ZNF385D: variants seen among roughly 807,000 people sequenced by gnomAD.
The protein encoded by ZNF385D is zinc finger protein 659.
Under a neutral mutation model 35.8 loss-of-function variants are expected in ZNF385D, and 15 were observed. That is an observed-to-expected ratio of 0.42 (90% CI 0.28 to 0.64). ZNF385D has a LOEUF of 0.64. ZNF385D is among the 30% of genes least tolerant of loss of function. The probability of loss-of-function intolerance (pLI) is 0.23; values close to 1 mark genes in which losing one functional copy is unlikely to be tolerated. For synonymous variants in ZNF385D, 212 were observed against 186.8 expected, an observed-to-expected ratio of 1.13 and a Z score of -1.10; for missense variants, 474 against 494.6, an observed-to-expected ratio of 0.96 and a Z score of 0.39.
At chr3:22,001,914 A>G (rs1345761333) in intron 3 of ZNF385D, among the ~76,000 whole-genome samples, 1 of 152,056 alleles carries the variant, frequency 6.6e-6, no homozygotes, top group African/African-American at 2.4e-5. Context: ...TGGAAATATA[A>G]CATACTAAAT....
chr3:21,890,614 G>A (rs957407488), intron 3 of ZNF385D, among the ~76,000 whole-genome samples: 1 of 151,890 alleles, frequency 6.6e-6, no homozygotes, highest in Non-Finnish European at 1.5e-5. Context: ...GTGAGACTCC[G>A]TCTCAGAAAA....
chr3:21,876,026 G>A (rs1383677278), intron 3 of ZNF385D, among the ~76,000 whole-genome samples: 1 of 152,030 alleles, frequency 6.6e-6, no homozygotes, highest in Non-Finnish European at 1.5e-5. Flanking sequence ...AAAGAAAAAC[G>A]AGTTACTTCA....
At chr3:22,363,142 A>T (rs1364588082) in intron 2 of ZNF385D, among the ~76,000 whole-genome samples, 1 of 152,166 alleles carries the variant, frequency 6.6e-6, no homozygotes, top group African/African-American at 2.4e-5. Flanking sequence ...AGATGGCAGC[A>T]GAGGGCAAGG....
At chr3:21,731,275 T>A (rs531129686) in intron 1 of ZNF385D, among the ~76,000 whole-genome samples, 1 of 152,336 alleles carries the variant, frequency 6.6e-6, no homozygotes, top group African/African-American at 2.4e-5. Context: ...TATTATGAAG[T>A]GCATTTTCAT....
chr3:21,937,850 G>A (rs1369589700), intron 3 of ZNF385D, among the ~76,000 whole-genome samples: 2 of 152,098 alleles, frequency 1.3e-5, no homozygotes, highest in Non-Finnish European at 1.5e-5. Flanking sequence ...TATGTATGTA[G>A]CTTTAAGTAG....
chr3:22,186,545 T>C (rs780235629), intron 2 of ZNF385D, among the ~76,000 whole-genome samples: 3 of 152,172 alleles, frequency 2.0e-5, no homozygotes, highest in Non-Finnish European at 4.4e-5. Context: ...ATCATTTCAC[T>C]TTACCTGTCC....
In ZNF385D at chr3:22,020,396, CAAGAT is replaced by C. The variant is rs1221756989; in HGVS notation, c.325+148416_325+148420del. ...GTTGAACCACATGGGGAACATAAGA[CAAGAT>C]AAGTTCTGTGCTCCAGCAGTTTCAT... On this transcript the variant is annotated intron_variant, in intron 3 of 5. Coordinates refer to the ZNF385D transcript ENST00000494108. 5.9e-5 allele frequency among the ~76,000 whole-genome samples: 9 copies of C among 151,694 alleles called. 1 individual carries two copies. The East Asian group carries it at 9.7e-4, about 16-fold the overall frequency.
chr3:22,122,899 G>A (rs557911550), intron 3 of ZNF385D, among the ~76,000 whole-genome samples: 3 of 152,306 alleles, frequency 2.0e-5, no homozygotes, highest in Non-Finnish European at 4.4e-5. Context: ...CAGTATGGGT[G>A]AACGCCATAA....
At chr3:21,474,542 A>G (rs1262716182) in intron 4 of ZNF385D, among the ~76,000 whole-genome samples, 5 of 152,140 alleles carry the variant, frequency 3.3e-5, no homozygotes, top group African/African-American at 1.2e-4. Flanking sequence ...GTCCAAGATC[A>G]TCAGATACAC....
rs147908430 is a variant in ZNF385D at position 21,657,614 on chromosome 3, A to G, written c.165+7272T>C. On this transcript the variant is annotated intron_variant, in intron 2 of 7. Coordinates refer to ENST00000281523, the MANE Select transcript of ZNF385D (RefSeq NM_024697.3). ...TCTGTCTTCAAAGGACAAGGAAGAT[A>G]GCAATCAATACTGTATTTACGACGG... Among the ~76,000 whole-genome samples, 623 of 152,100 alleles carry G rather than the reference A, an allele frequency of 4.1e-3. 5 individuals carry two copies. Among genetic ancestry groups the G allele is most frequent in the Non-Finnish European group, 7.4e-3 (502 of 67,896 alleles).
chr3:21,530,248 T>C (rs952300824), intron 3 of ZNF385D, among the ~76,000 whole-genome samples: 3 of 152,164 alleles, frequency 2.0e-5, no homozygotes, highest in African/African-American at 7.2e-5. Context: ...ATAAATGTCT[T>C]TTCTTTATAA....
intron 2 of ZNF385D, among the ~76,000 whole-genome samples, chr3:21,609,744 A>G (rs1365717624): frequency 2.6e-5 from 4 of 152,222 alleles, no homozygotes; most frequent in Non-Finnish European, 5.9e-5. Flanking sequence ...GGAAGCTGAA[A>G]GAGTGTGTGT....
chr3:21,973,960 T>C (rs1258614001), intron 3 of ZNF385D, among the ~76,000 whole-genome samples: 1 of 152,056 alleles, frequency 6.6e-6, no homozygotes, highest in Non-Finnish European at 1.5e-5. Flanking sequence ...GTTCACAGAT[T>C]GGTAGAATAT....
intron 3 of ZNF385D, among the ~76,000 whole-genome samples, chr3:21,931,196 C>T (rs564241706): frequency 2.0e-5 from 3 of 152,102 alleles, no homozygotes; most frequent in South Asian, 2.1e-4. Context: ...GAAGAATGCT[C>T]AGTATCTTTA....
chr3:22,327,987 G>A (rs552335162), intron 2 of ZNF385D, among the ~76,000 whole-genome samples: 5 of 152,190 alleles, frequency 3.3e-5, no homozygotes, highest in African/African-American at 9.6e-5. Context: ...TATGATAAGC[G>A]CTCTTCTAAA....
chr3:21,883,845 A>G (rs552938859), intron 3 of ZNF385D, among the ~76,000 whole-genome samples: 1 of 152,148 alleles, frequency 6.6e-6, no homozygotes, highest in South Asian at 2.1e-4. Flanking sequence ...TGTAGACTGA[A>G]CTACATATCA....
At chr3:21,898,127 C>A (rs1167641176) in intron 3 of ZNF385D, among the ~76,000 whole-genome samples, 1 of 152,100 alleles carries the variant, frequency 6.6e-6, no homozygotes, top group Non-Finnish European at 1.5e-5. Flanking sequence ...ATCCCTCTAG[C>A]ATTTAAGTAT....
At chr3:21,525,380 T>C (rs895548266) in intron 3 of ZNF385D, among the ~76,000 whole-genome samples, 3 of 152,144 alleles carry the variant, frequency 2.0e-5, no homozygotes, top group African/African-American at 7.2e-5. Flanking sequence ...AAAAGTTTTC[T>C]CTAAGTAAGA....
chr3:21,831,557 C>G (rs1403097804), intron 3 of ZNF385D, among the ~76,000 whole-genome samples: 3 of 152,158 alleles, frequency 2.0e-5, no homozygotes, highest in Non-Finnish European at 4.4e-5. Flanking sequence ...ATCCATACCA[C>G]TTAGCTTCTC....
Sources: allele counts gnomAD v4.1 joint callset (sites outside exome capture counted in the v4.1 genomes callset), GRCh38; gene constraint gnomAD v4.1.1; transcripts MANE v1.5; gene names NCBI Gene and HGNC (gene_info 2026-07-23, HGNC 2026-07-21).